The following HHIP variants were observed in gnomAD, a reference collection of about 807,000 sequenced individuals.
HHIP encodes the protein hedgehog-interacting protein.
Under a neutral mutation model 74.0 loss-of-function variants are expected in HHIP, and 12 were observed. That is an observed-to-expected ratio of 0.16 (90% CI 0.10 to 0.26). HHIP has a LOEUF of 0.26. Among genes scored for constraint, HHIP ranks in the 10% least tolerant of loss-of-function variants. The pLI is 1.00. For synonymous variants in HHIP, 309 were observed against 311.6 expected (o/e 0.99, Z 0.09); for missense variants, 788 against 845.0 (o/e 0.93, Z 0.84).
chr4:144,707,057 T>C (rs746417224), intron 5 of HHIP, 30 bp from the exon 6 acceptor site: 3 of 1,594,718 alleles, frequency 1.9e-6, no homozygotes, highest in East Asian at 4.5e-5. Context: ...CTTTTAACAG[T>C]CATGGTATTG....
chr4:144,646,248 C>G lies in HHIP; in HGVS notation c.-428C>G. On this transcript the variant is annotated 5_prime_UTR_variant, in exon 1 of 13. Coordinates refer to ENST00000296575, the MANE Select transcript of HHIP (RefSeq NM_022475.3). ...CTGGCCCTGCCTCCGCCTGCCCCGC[C>G]GCCGCCGTCGCCGTTTCTGTTCCTG... The G allele has an allele frequency of 6.0e-6, 1 of 166,256 alleles. No homozygotes were observed. The highest frequency in any genetic ancestry group is 1.6e-4 in the South Asian group (1 of 6,196). 10.3% of individuals were successfully genotyped at this position (166,256 alleles called of 1,614,324 possible).
At position 144,689,690 on chromosome 4, in the gene HHIP, T is replaced by C. The variant is rs574471820; in HGVS notation, c.832-16841T>C. The stretch of plus-strand genomic sequence containing the variant: ...CAGAGGAAGGTTTAACATAACTGTT[T>C]ATTATACATTTTAGCAAGATGCTTC... On this transcript the variant is annotated intron_variant, in intron 4 of 12. Coordinates refer to ENST00000296575, the MANE Select transcript of HHIP (RefSeq NM_022475.3). 1.1e-4 allele frequency among the ~76,000 whole-genome samples: 17 copies of C among 152,368 alleles called. No homozygotes were observed. In the South Asian group the frequency reaches 3.5e-3, roughly 32 times the overall value.
At chr4:144,734,112 T>C (rs781334948) in intron 11 of HHIP, among the ~76,000 whole-genome samples, 1 of 151,816 alleles carries the variant, frequency 6.6e-6, no homozygotes, top group South Asian at 2.1e-4. Flanking sequence ...TATGGATCTT[T>C]CTGTGCATGG....
In HHIP at chr4:144,698,181, C is replaced by T. The variant is rs190515302; in HGVS notation, c.832-8350C>T. ...TGCTGGTTATCTTCTAGCAGCTCTC[C>T]AATGTTATCTGAAGCAGGACAGATT... On this transcript the variant is annotated intron_variant, in intron 4 of 12. Coordinates refer to ENST00000296575, the MANE Select transcript of HHIP (RefSeq NM_022475.3). Among the ~76,000 whole-genome samples the T allele has an allele frequency of 2.0e-5, 3 of 152,224 alleles. No homozygotes were observed. In the East Asian group the frequency reaches 5.8e-4, roughly 29 times the overall value.
intron 4 of HHIP, among the ~76,000 whole-genome samples, chr4:144,678,960 C>T (rs1317492625): frequency 1.3e-5 from 2 of 152,200 alleles, no homozygotes; most frequent in Non-Finnish European, 2.9e-5. Flanking sequence ...CCCATACTGT[C>T]TTCCACAATG....
Position 144,664,883 on chromosome 4 carries a change from G to A in HHIP, c.831+5045G>A, listed in dbSNP as rs143100372. Among the ~76,000 whole-genome samples the A allele has an allele frequency of 4.9e-3, 750 of 152,260 alleles. 8 individuals are homozygous for A. The highest frequency in any genetic ancestry group is 0.016 in the African/African-American group (682 of 41,538). On this transcript the variant is annotated intron_variant, in intron 4 of 12. Coordinates refer to ENST00000296575, the MANE Select transcript of HHIP (RefSeq NM_022475.3). The stretch of plus-strand genomic sequence containing the variant: ...AGAAGTCATAATGCCTCATCTAAAA[G>A]AGAGTTGTTATAGTGGTGGAAATAA...
At chr4:144,700,875 A>C (rs562392880) in intron 4 of HHIP, among the ~76,000 whole-genome samples, 9 of 152,370 alleles carry the variant, frequency 5.9e-5, no homozygotes, top group African/African-American at 2.2e-4. Flanking sequence ...AAATGAATAC[A>C]ATCTGGTACT....
At chr4:144,649,670 C>T (rs1272581217) in intron 1 of HHIP, among the ~76,000 whole-genome samples, 2 of 152,126 alleles carry the variant, frequency 1.3e-5, no homozygotes, top group Admixed American at 6.5e-5. Context: ...TAACTTGTAG[C>T]CACAGAGGCA....
intron 4 of HHIP, among the ~76,000 whole-genome samples, chr4:144,704,534 C>T (rs550824979): frequency 1.8e-4 from 27 of 152,166 alleles, no homozygotes; most frequent in Non-Finnish European, 3.8e-4. Flanking sequence ...TCTACAGTGC[C>T]TTAATTCTAC....
At chr4:144,649,398 A>C (rs1387817008) in intron 1 of HHIP, among the ~76,000 whole-genome samples, 2 of 152,150 alleles carry the variant, frequency 1.3e-5, no homozygotes, top group Non-Finnish European at 2.9e-5. Flanking sequence ...TAGGCTAAGA[A>C]ATTTTTTTAA....
Position 144,659,931 on chromosome 4 carries a change from A to G in HHIP, c.831+93A>G, listed in dbSNP as rs187178608. 31 of 947,392 alleles carry G rather than the reference A, an allele frequency of 3.3e-5. No individual in the cohort carries two copies. The African/African-American group carries it at 4.8e-4, about 15-fold the overall frequency. The allele number at this position is 947,392 out of a possible 1,614,324, so 58.7% of individuals were successfully genotyped here. On this transcript the variant is annotated intron_variant, in intron 4 of 12. Transcript: ENST00000296575. ...CACTGAAGGTATTTCTTTGTAATAAAAGAAAGAATCTTGCAGGAGAAAATA... is the reference window on the plus strand; with the variant it reads ...CACTGAAGGTATTTCTTTGTAATAAGAGAAAGAATCTTGCAGGAGAAAATA...
At chr4:144,684,464 A>G (rs370077648) in intron 4 of HHIP, among the ~76,000 whole-genome samples, 2 of 151,116 alleles carry the variant, frequency 1.3e-5, no homozygotes, top group East Asian at 3.9e-4. Flanking sequence ...TATTTTTAGT[A>G]GAAACGTGGT....
chr4:144,679,095 C>G (rs1237719168), intron 4 of HHIP, among the ~76,000 whole-genome samples: 1 of 152,104 alleles, frequency 6.6e-6, no homozygotes, highest in Non-Finnish European at 1.5e-5. Flanking sequence ...GATGATATCT[C>G]ATTGTAGTTT....
intron 4 of HHIP, among the ~76,000 whole-genome samples, chr4:144,690,943 T>C (rs983778225): frequency 1.3e-5 from 2 of 152,176 alleles, no homozygotes; most frequent in Non-Finnish European, 2.9e-5. Context: ...AAAACAGCTT[T>C]ATCTGTGTTT....
At chr4:144,680,863 A>G (rs1729315686) in intron 4 of HHIP, among the ~76,000 whole-genome samples, 1 of 152,172 alleles carries the variant, frequency 6.6e-6, no homozygotes, top group Non-Finnish European at 1.5e-5. Flanking sequence ...TTTCCTATTT[A>G]CTTGTTTACT....
chr4:144,681,595 T>G (rs1386847693), intron 4 of HHIP, among the ~76,000 whole-genome samples: 1 of 152,044 alleles, frequency 6.6e-6, no homozygotes, highest in South Asian at 2.1e-4. Context: ...TGGCTAATTT[T>G]TGTATTTTTA....
chr4:144,719,927 G>T lies in HHIP; in HGVS notation c.1760+971G>T, dbSNP rs371897132. Among the ~76,000 whole-genome samples, 5 of 152,226 alleles carry T rather than the reference G, an allele frequency of 3.3e-5. No homozygotes were observed. In the East Asian group the frequency reaches 5.8e-4, roughly 18 times the overall value. On this transcript the variant is annotated intron_variant, in intron 11 of 12. Transcript: ENST00000296575. Reference sequence around the variant, plus strand: ...CACTTTAAAATATTCTTTCTCAATTGCAAATTGTATATGTTTTTCTGAGAT... The same window carrying T: ...CACTTTAAAATATTCTTTCTCAATTTCAAATTGTATATGTTTTTCTGAGAT...
At chr4:144,681,711 C>T (rs115424548) in intron 4 of HHIP, among the ~76,000 whole-genome samples, 2,878 of 152,336 alleles carry the variant, frequency 0.019, 40 homozygotes, top group Non-Finnish European at 0.029. Context: ...GCGTGAGCCA[C>T]TGCATCCAGC....
chr4:144,666,912 G>T (rs188000062), intron 4 of HHIP, among the ~76,000 whole-genome samples: 64 of 152,284 alleles, frequency 4.2e-4, no homozygotes, highest in African/African-American at 1.5e-3. Context: ...TATTTTGCAT[G>T]CACAATCACA....
Sources: allele counts gnomAD v4.1 joint callset (sites outside exome capture counted in the v4.1 genomes callset), GRCh38; gene constraint gnomAD v4.1.1; transcripts MANE v1.5; gene names NCBI Gene and HGNC (gene_info 2026-07-23, HGNC 2026-07-21).